Variants in MARF1 observed in about 807,000 individuals in gnomAD.
MARF1 encodes the protein meiosis regulator and mRNA stability factor 1.
Under a neutral mutation model 168.2 loss-of-function variants are expected in MARF1, and 24 were observed. The observed-to-expected ratio is 0.14, with a 90% CI of 0.10 to 0.20. MARF1 has a LOEUF of 0.20. Among genes scored for constraint, MARF1 ranks in the 10% least tolerant of loss-of-function variants. The pLI, the probability that MARF1 is intolerant of heterozygous loss-of-function variation, is 1.00. For missense variants in MARF1, 1,744 were observed against 2,143.6 expected, an observed-to-expected ratio of 0.81 and a Z score of 3.68; for synonymous variants, 868 against 822.4, an observed-to-expected ratio of 1.06 and a Z score of -0.95.
At chr16:15,617,717 G>A (rs1027994199) in intron 13 of MARF1, among the ~76,000 whole-genome samples, 182 bp from the exon 14 acceptor site, 11 of 152,120 alleles carry the variant, frequency 7.2e-5, no homozygotes, top group African/African-American at 2.4e-4. Flanking sequence ...TGGTACTCCT[G>A]AGTCGTCTCT....
Position 15,625,066 on chromosome 16 carries a change from C to T in MARF1, c.2061G>A (p.Ser687=), listed in dbSNP as rs773398890. 4.3e-6 allele frequency: 7 copies of T among 1,614,176 alleles called. No individual in the cohort carries two copies. The South Asian group carries it at 4.4e-5, about 10-fold the overall frequency. ...CTGCCACCCCCGAGTTTTTCGGCGT[C>T]GACACTGCAGCACTTGAGTTACCGT... ...PTHGNSSAAV[S]TPKNSGVAEP... Residue 687 remains serine (S), a synonymous_variant, in exon 9 of 27, where the codon TCG becomes TCA. Coordinates refer to ENST00000396368, the MANE Select transcript of MARF1 (RefSeq NM_014647.4).
In MARF1 at chr16:15,625,627, C is replaced by T. The variant is rs770735566; in HGVS notation, c.1698G>A (p.Lys566=). 1.9e-6 allele frequency: 3 copies of T among 1,614,214 alleles called. No individual in the cohort carries two copies. The East Asian group carries it at 6.7e-5, about 36-fold the overall frequency. The change falls in exon 8 of 27, where the codon AAG becomes AAA. Residue 566 remains lysine (K), a synonymous_variant. Transcript: ENST00000396368. ...CAAAGACATCTTCGTTTTCCATTCG[C>T]TTCTGAGCGCGCTCTGCACTATCTT... ...INQDSAERAQ[K]RMENEDVFGN...
At chr16:15,624,735 T>G in intron 10 of MARF1, 34 bp downstream of exon 10, 1 of 1,596,604 alleles carries the variant, frequency 6.3e-7, no homozygotes, top group Non-Finnish European at 8.5e-7. Context: ...CTATTACATG[T>G]AACCACCCCC....
intron 26 of MARF1, among the ~76,000 whole-genome samples, chr16:15,597,609 G>C (rs1481093894): frequency 6.6e-6 from 1 of 152,228 alleles, no homozygotes; most frequent in African/African-American, 2.4e-5. Flanking sequence ...ATAGGGCACA[G>C]GGCTCCTGCT....
chr16:15,625,723 G>A lies in MARF1; in HGVS notation c.1602C>T (p.Arg534=), dbSNP rs2034797240. 1 of 1,614,072 alleles carries A rather than the reference G, an allele frequency of 6.2e-7. No individual in the cohort carries two copies. Among genetic ancestry groups the A allele is most frequent in the Admixed American group, 1.7e-5 (1 of 60,002 alleles). ...DGKSVSNRLR[R]LSDNCGGKVL... ...CTTTCCCACCACAATTATCGGACAG[G>A]CGTCTGAGCCTGTTGCTGACGCTCT... The change falls in exon 8 of 27, where the codon CGC becomes CGT. Residue 534 remains arginine (R), a synonymous_variant. Transcript: ENST00000396368.
At chr16:15,604,082 C>T (rs1282200643) in intron 22 of MARF1, 86 bp downstream of exon 22, 2 of 1,051,290 alleles carry the variant, frequency 1.9e-6, no homozygotes, top group Non-Finnish European at 2.9e-6. Context: ...CAGCTCTACA[C>T]ACTCTAATCT....
chr16:15,639,468 T>C (rs1172428218), intron 1 of MARF1, among the ~76,000 whole-genome samples, 177 bp from the exon 2 acceptor site: 2 of 152,214 alleles, frequency 1.3e-5, no homozygotes, highest in Non-Finnish European at 2.9e-5. Context: ...TGGTACGATC[T>C]CAGCTCACTG....
Position 15,596,596 on chromosome 16 carries a change from T to G in MARF1, c.*97A>C, listed in dbSNP as rs957940929. On this transcript the variant is annotated 3_prime_UTR_variant, in exon 27 of 27. Transcript: ENST00000396368. ...AGATGAAGTCAATGGCTTCGGGGGGTTTTCATGACACAGAAAAGGATGTAT... is the reference window on the plus strand; with the variant it reads ...AGATGAAGTCAATGGCTTCGGGGGGGTTTCATGACACAGAAAAGGATGTAT... 3.0e-5 allele frequency: 39 copies of G among 1,297,380 alleles called. No individual in the cohort carries two copies. Among genetic ancestry groups the G allele is most frequent in the Admixed American group, 5.3e-5 (2 of 37,612 alleles). The allele number at this position is 1,297,380 out of a possible 1,614,324, so 80.4% of individuals were successfully genotyped here. A position where few individuals can be genotyped will look rare whatever the true frequency, so the allele number is the denominator to read the frequency against.
At position 15,622,414 on chromosome 16, in the gene MARF1, T is replaced by C. The variant is rs1273864625; in HGVS notation, c.2461-503A>G. On this transcript the variant is annotated intron_variant, in intron 11 of 26. Coordinates refer to ENST00000396368, the MANE Select transcript of MARF1 (RefSeq NM_014647.4). The stretch of plus-strand genomic sequence containing the variant: ...CCTTTTTTTTTTTTTCTTTCTGAGA[T>C]GGAGTCTCACTCTGTCTCCCAGGCC... 5.3e-5 allele frequency among the ~76,000 whole-genome samples: 8 copies of C among 151,822 alleles called. No individual in the cohort carries two copies. The East Asian group carries it at 1.4e-3, about 26-fold the overall frequency.
chr16:15,611,745 A>G lies in MARF1; in HGVS notation c.3475-11T>C. ...GCCCATTCCAAGAATCTGCAAAGCAAATAGTTTATTTATACACATAAGACC... is the reference window on the plus strand; with the variant it reads ...GCCCATTCCAAGAATCTGCAAAGCAGATAGTTTATTTATACACATAAGACC... On this transcript the variant is annotated splice_polypyrimidine_tract_variant and intron_variant, in intron 17 of 26. Coordinates refer to ENST00000396368, the MANE Select transcript of MARF1 (RefSeq NM_014647.4). The G allele has an allele frequency of 6.2e-7, 1 of 1,613,668 alleles. No homozygotes were observed. The highest frequency in any genetic ancestry group is 1.3e-5 in the African/African-American group (1 of 75,026).
Position 15,611,460 on chromosome 16 carries a change from A to C in MARF1, c.3617+132T>G, listed in dbSNP as rs185247902. On this transcript the variant is annotated intron_variant, in intron 18 of 26. Transcript: ENST00000396368. ...AGACTCCGTCTCAAAAAAAAAAAAA[A>C]AAAAACAAAAAACTACTACAAGTTT... 3.1e-4 allele frequency: 266 copies of C among 849,430 alleles called. No homozygotes were observed. The South Asian group carries it at 4.2e-3, about 13-fold the overall frequency. 52.6% of individuals were successfully genotyped at this position (849,430 alleles called of 1,614,324 possible).
rs1240942011 is a variant in MARF1 at position 15,631,323 on chromosome 16, TATG to T, written c.1351+55_1351+57del. ...TTTACTTTCACATGTTGCTGGCTTCTATGATAATTTCCCACACAGTGAGTTTAG... is the reference window on the plus strand; with the variant it reads ...TTTACTTTCACATGTTGCTGGCTTCTATAATTTCCCACACAGTGAGTTTAG... On this transcript the variant is annotated intron_variant, in intron 6 of 26. Coordinates refer to ENST00000396368, the MANE Select transcript of MARF1 (RefSeq NM_014647.4). 1.6e-5 allele frequency: 19 copies of T among 1,179,202 alleles called. No individual in the cohort carries two copies. In the African/African-American group the frequency reaches 1.8e-4, roughly 11 times the overall value. 73.0% of individuals were successfully genotyped at this position (1,179,202 alleles called of 1,614,324 possible). A position where few individuals can be genotyped will look rare whatever the true frequency, so the allele number is the denominator to read the frequency against.
intron 13 of MARF1, 25 bp downstream of exon 13, chr16:15,620,426 T>C: frequency 6.6e-7 from 1 of 1,510,536 alleles, no homozygotes; most frequent in Non-Finnish European, 9.2e-7. Context: ...ACTGACTGGA[T>C]AAAGAAAAAA....
At position 15,598,895 on chromosome 16, in the gene MARF1, G is replaced by A. The variant is rs773614564; in HGVS notation, c.4943C>T (p.Ala1648Val). 28 of 1,613,956 alleles carry A rather than the reference G, an allele frequency of 1.7e-5. No homozygotes were observed. The highest frequency in any genetic ancestry group is 2.4e-5 in the Non-Finnish European group (28 of 1,180,024). The change falls in exon 26 of 27, where the codon GCT becomes GTT. Residue 1648 changes from alanine to valine, a missense_variant. By Grantham distance (64) the Ala-to-Val change is moderately conservative. Around this residue, in one of 7 missense-constraint regions of MARF1, gnomAD observed 313 missense variants for 337.4 expected, o/e 0.93. Coordinates refer to ENST00000396368, the MANE Select transcript of MARF1 (RefSeq NM_014647.4). Reference protein sequence around the residue: ...LRPDPVILQSADLIQFEERPQ... With the variant: ...LRPDPVILQSVDLIQFEERPQ... ...GCGCTCCTCAAACTGAATGAGATCA[G>A]CAGATTGGAGGATAACGGGGTCTGG...
rs751579883 is a variant in MARF1 at position 15,631,494 on chromosome 16, G to A, written c.1238C>T (p.Thr413Ile). The change falls in exon 6 of 27, where the codon ACC (threonine) becomes ATC (isoleucine). Residue 413 changes from threonine (T) to isoleucine (I), a missense_variant. Transcript: ENST00000396368. Reference protein sequence around the residue: ...VIQELNNCQVTVAHINATAKN... With the variant: ...VIQELNNCQVIVAHINATAKN... ...TGCAGTAGCATTGATGTGGGCAACG[G>A]TTACCTGCATTAATTTATAATAAGG... The A allele has an allele frequency of 1.2e-6, 2 of 1,606,952 alleles. No homozygotes were observed. Among genetic ancestry groups the A allele is most frequent in the Non-Finnish European group, 8.5e-7 (1 of 1,174,304 alleles).
chr16:15,601,897 C>A (rs534729703), intron 23 of MARF1, 94 bp downstream of exon 23: 4 of 1,003,860 alleles, frequency 4.0e-6, no homozygotes, highest in South Asian at 3.9e-5. Flanking sequence ...GCCTGCCGTT[C>A]CATTATTCTG....
intron 16 of MARF1, among the ~76,000 whole-genome samples, chr16:15,614,323 A>G (rs2033857088): frequency 6.7e-6 from 1 of 148,602 alleles, no homozygotes; most frequent in Non-Finnish European, 1.5e-5. Flanking sequence ...TCTACTAAAA[A>G]TACAAAAAAA....
rs923286378 is a variant in MARF1 at position 15,595,780 on chromosome 16, G to A, written c.*913C>T. 8 of 152,146 alleles carry A rather than the reference G, an allele frequency of 5.3e-5. No individual in the cohort carries two copies. The highest frequency in any genetic ancestry group is 1.9e-4 in the African/African-American group (8 of 41,426). The allele number at this position is 152,146 out of a possible 1,614,324, so 9.4% of individuals were successfully genotyped here. A position where few individuals can be genotyped will look rare whatever the true frequency, so the allele number is the denominator to read the frequency against. Reference sequence around the variant, plus strand: ...TCCCAGTGGAAATCGTATTGATCCCGCTGCTGCTGAAGCACCTCCCCACTC... The same window carrying A: ...TCCCAGTGGAAATCGTATTGATCCCACTGCTGCTGAAGCACCTCCCCACTC... On this transcript the variant is annotated 3_prime_UTR_variant, in exon 27 of 27. Transcript: ENST00000396368.
At position 15,596,514 on chromosome 16, in the gene MARF1, A is replaced by G. The variant is rs1282663686; in HGVS notation, c.*179T>C. The stretch of plus-strand genomic sequence containing the variant: ...GAAAGAAAAAGGAAGAAGAAAAGAA[A>G]GACTTCAGCTCAAAGCTGTGTTCAA... On this transcript the variant is annotated 3_prime_UTR_variant, in exon 27 of 27. Transcript: ENST00000396368. The G allele has an allele frequency of 4.2e-6, 2 of 478,634 alleles. No homozygotes were observed. The highest frequency in any genetic ancestry group is 2.0e-5 in the African/African-American group (1 of 50,150). The allele number at this position is 478,634 out of a possible 1,614,324, so 29.6% of individuals were successfully genotyped here.
Sources: allele counts gnomAD v4.1 joint callset (sites outside exome capture counted in the v4.1 genomes callset), GRCh38; gene constraint gnomAD v4.1.1; regional missense constraint gnomAD v4.1.1; transcripts MANE v1.5; gene names NCBI Gene and HGNC (gene_info 2026-07-23, HGNC 2026-07-21).